The following MASP2 variants were observed in gnomAD, a reference collection of about 807,000 sequenced individuals.
MASP2 encodes MBL associated serine protease 2, also known as mannan-binding lectin serine protease 2.
MASP2 carries 49 observed loss-of-function variants against 57.1 expected under a neutral mutation model. The ratio of observed to expected loss-of-function variants is 0.86; its 90% CI spans 0.68 to 1.09. The LOEUF is 1.09. Among genes scored for constraint, MASP2 ranks in the 50% least tolerant of loss-of-function variants. The pLI, the probability that MASP2 is intolerant of heterozygous loss-of-function variation, is 0.00. For synonymous variants in MASP2, 379 were observed against 340.8 expected (o/e 1.11, Z -1.24); for missense variants, 900 against 874.8 (o/e 1.03, Z -0.36).
At chr1:11,033,845 A>C (rs1230825463) in intron 8 of MASP2, among the ~76,000 whole-genome samples, 1 of 149,900 alleles carries the variant, frequency 6.7e-6, no homozygotes, top group Non-Finnish European at 1.5e-5. Context: ...AGGCATGAGA[A>C]TCTCTTGAAC....
rs891278287 is a variant in MASP2, at chr1:11,043,534, G to A, written c.546C>T (p.Ala182=). 1.9e-6 allele frequency: 3 copies of A among 1,595,460 alleles called. No individual in the cohort carries two copies. Among genetic ancestry groups the A allele is most frequent in the Admixed American group, 3.5e-5 (2 of 57,148 alleles). The change falls in exon 5 of 11, where the codon GCC becomes GCT. Residue 182 remains alanine, a splice_region_variant and synonymous_variant. Coordinates refer to ENST00000400897, the MANE Select transcript of MASP2 (RefSeq NM_006610.4). ...GGGTGAAGACCTGGCCGGAGCACAG[G>A]GCTGGAAGGAGGGAAGGCAGGGGAG... The part of the protein sequence containing the change: ...VLHRNKRTCS[A]LCSGQVFTQR...
intron 6 of MASP2, among the ~76,000 whole-genome samples, chr1:11,039,348 GGATGGATGGAT>G (rs1638343833): frequency 6.6e-6 from 1 of 150,736 alleles, no homozygotes; most frequent in Admixed American, 6.6e-5. Context: ...ATGGATGGAT[GGATGGATGGAT>G]GGATGGATGG....
At position 11,028,873 on chromosome 1, in the gene MASP2, C is replaced by A. The variant is rs144479610; in HGVS notation, c.1298-1225G>T. Among the ~76,000 whole-genome samples, 594 of 151,818 alleles carry A rather than the reference C, an allele frequency of 3.9e-3. 7 individuals are homozygous for A. The highest frequency in any genetic ancestry group is 0.013 in the African/African-American group (550 of 41,386). ...GGACTACAGGCACACGCCACCACAC[C>A]TGGCTAATTTTTTGTATTTTTAATA... On this transcript the variant is annotated intron_variant, in intron 10 of 10. Coordinates refer to ENST00000400897, the MANE Select transcript of MASP2 (RefSeq NM_006610.4).
At chr1:11,046,467 A>G (rs541937087) in intron 3 of MASP2, 89 bp downstream of exon 3, 1 of 1,473,014 alleles carries the variant, frequency 6.8e-7, no homozygotes, top group African/African-American at 1.4e-5. Context: ...AGGTGGGGAA[A>G]CTGAAGGCAG....
chr1:11,046,365 G>A, intron 3 of MASP2, 191 bp downstream of exon 3: 1 of 648,262 alleles, frequency 1.5e-6, no homozygotes, highest in East Asian at 2.8e-5. Context: ...GCTCAGAGTT[G>A]GCACTCAGCC....
rs369814452 is a variant in MASP2, at chr1:11,027,286, GCAGA to G, written c.1656_1659del (p.Leu553GlnfsTer9). ...ATAAAGGATTCAGCTTCTTTTCTTG[GCAGA>G]CAAATAGGCGTGATGTTGCTATTGA... On this transcript the variant is annotated frameshift_variant, in exon 11 of 11. Coordinates refer to ENST00000400897, the MANE Select transcript of MASP2 (RefSeq NM_006610.4). LOFTEE classifies it low-confidence loss of function (END_TRUNC). 2.8e-5 allele frequency: 45 copies of G among 1,613,820 alleles called. No homozygotes were observed. The East Asian group carries it at 3.6e-4, about 13-fold the overall frequency.
chr1:11,047,100 G>A lies in MASP2; in HGVS notation c.25C>T (p.Leu9Phe). Residue 9 changes from leucine to phenylalanine, a missense_variant, in exon 2 of 11, where the codon CTT (leucine) becomes TTT (phenylalanine). By Grantham distance (22) the Leu-to-Phe change is conservative (BLOSUM62 0). Transcript: ENST00000400897. Reference sequence around the variant, plus strand: ...GGGGTGGCCACCGAGCCACACAGAAGGCCCAGGAGGGTCAGCAGCCTATGG... The same window carrying A: ...GGGGTGGCCACCGAGCCACACAGAAAGCCCAGGAGGGTCAGCAGCCTATGG... MRLLTLLG[L>F]LCGSVATPLG... 1.5e-5 allele frequency: 24 copies of A among 1,550,440 alleles called. No individual in the cohort carries two copies. Among genetic ancestry groups the A allele is most frequent in the Non-Finnish European group, 2.0e-5 (23 of 1,146,800 alleles).
At chr1:11,045,196 T>C (rs1638590183) in intron 4 of MASP2, 1 of 793,032 alleles carries the variant, frequency 1.3e-6, no homozygotes, top group African/African-American at 1.7e-5. Context: ...ATGTTAGAAT[T>C]AGTCTCAGTC....
At chr1:11,046,463 G>C in intron 3 of MASP2, 93 bp downstream of exon 3, 1 of 1,438,936 alleles carries the variant, frequency 6.9e-7, no homozygotes. Context: ...GGAAAGGTGG[G>C]GAAACTGAAG....
At chr1:11,045,038 G>C in intron 4 of MASP2, 1 of 1,294,736 alleles carries the variant, frequency 7.7e-7, no homozygotes, top group Non-Finnish European at 1.1e-6. Context: ...CAGCAGGTGG[G>C]GCTGCCCACG....
At chr1:11,028,153 C>T (rs540590580) in intron 10 of MASP2, among the ~76,000 whole-genome samples, 62 of 151,700 alleles carry the variant, frequency 4.1e-4, no homozygotes, top group Non-Finnish European at 5.6e-4. Context: ...ACCTGGGAGG[C>T]GGAGGTTGCA....
rs762455793 is a variant in MASP2, at chr1:11,046,673, G to A, written c.295C>T (p.Arg99Trp). 10 of 1,613,368 alleles carry A rather than the reference G, an allele frequency of 6.2e-6. No homozygotes were observed. The highest frequency in any genetic ancestry group is 4.5e-5 in the East Asian group (2 of 44,890). Residue 99 changes from arginine (R) to tryptophan (W), a missense_variant, in exon 3 of 11, where the codon CGG becomes TGG. By Grantham distance (101) the Arg-to-Trp change is moderately radical. Coordinates refer to ENST00000400897, the MANE Select transcript of MASP2 (RefSeq NM_006610.4). ...LCGQESTDTE[R>W]APGKDTFYSL... ...TAGAAAGTGTCCTTGCCAGGGGCCC[G>A]CTCCGTGTCTGTGCTCTCCTGCCCG...
chr1:11,033,552 G>A (rs1041108251), intron 8 of MASP2, among the ~76,000 whole-genome samples: 3 of 151,912 alleles, frequency 2.0e-5, no homozygotes, highest in African/African-American at 7.3e-5. Flanking sequence ...AGCTGAGGCA[G>A]GAGAATTGCT....
In MASP2 at chr1:11,036,574, G is replaced by A. The variant is rs1299430030; in HGVS notation, c.1008+1119C>T. On this transcript the variant is annotated intron_variant, in intron 7 of 10. Coordinates refer to ENST00000400897, the MANE Select transcript of MASP2 (RefSeq NM_006610.4). ...GAAACTAAAGAAGTCTGTGGTCCGA[G>A]GAGCTGTGGAAAAGAGCCTGCACAA... 6.8e-5 allele frequency among the ~76,000 whole-genome samples: 10 copies of A among 147,502 alleles called. No homozygotes were observed. In the South Asian group the frequency reaches 8.5e-4, roughly 12 times the overall value.
chr1:11,042,168 A>T (rs963004333), intron 6 of MASP2, among the ~76,000 whole-genome samples: 12 of 150,888 alleles, frequency 8.0e-5, no homozygotes, highest in Admixed American at 3.3e-4. Context: ...GGATGGATGG[A>T]TGGATGGACA....
chr1:11,032,428 A>T (rs1031144768), intron 8 of MASP2, among the ~76,000 whole-genome samples: 1 of 152,040 alleles, frequency 6.6e-6, no homozygotes, highest in African/African-American at 2.4e-5. Flanking sequence ...CCTGGGCAAC[A>T]TGGTGAAACC....
Position 11,027,065 on chromosome 1 carries a change from G to A in MASP2, c.1881C>T (p.Asp627=), listed in dbSNP as rs1263745655. Residue 627 remains aspartate (D), a synonymous_variant, in exon 11 of 11, where the codon GAC becomes GAT. Coordinates refer to ENST00000400897, the MANE Select transcript of MASP2 (RefSeq NM_006610.4). The part of the protein sequence containing the change: ...LCAGLESGGK[D]SCRGDSGGAL... ...CCCCTCCGCTGTCACCTCTGCAGCTGTCCTTGCCCCCACTTTCTAAGCCAG... is the reference window on the plus strand; with the variant it reads ...CCCCTCCGCTGTCACCTCTGCAGCTATCCTTGCCCCCACTTTCTAAGCCAG... The A allele has an allele frequency of 2.3e-5, 37 of 1,593,936 alleles. No individual in the cohort carries two copies. The highest frequency in any genetic ancestry group is 2.7e-5 in the Non-Finnish European group (32 of 1,170,246).
At chr1:11,033,737 C>A (rs892287198) in intron 8 of MASP2, among the ~76,000 whole-genome samples, 2 of 152,082 alleles carry the variant, frequency 1.3e-5, no homozygotes, top group Non-Finnish European at 2.9e-5. Context: ...TTGAGACCAG[C>A]CTGGCCAACA....
intron 10 of MASP2, among the ~76,000 whole-genome samples, chr1:11,028,073 T>C (rs1221968085): frequency 1.3e-5 from 2 of 151,920 alleles, no homozygotes; most frequent in African/African-American, 4.8e-5. Flanking sequence ...TACACAAAAA[T>C]TAGCCGGGCG....
Sources: gnomAD v4.1 joint callset for allele counts (sites outside exome capture counted in the v4.1 genomes callset) on GRCh38, gnomAD v4.1.1 for gene constraint, MANE v1.5 for transcripts, NCBI Gene and HGNC (gene_info 2026-07-23, HGNC 2026-07-21) for gene names.